The following DIP2A variants were observed in gnomAD, a reference collection of about 807,000 sequenced individuals.
The protein encoded by DIP2A is DIP2 acetate--CoA ligase A.
In DIP2A, 85 loss-of-function variants were observed where a neutral mutation model predicts 177.4. That is an observed-to-expected ratio of 0.48 (90% CI 0.40 to 0.57). The LOEUF (loss-of-function observed/expected upper bound fraction) is 0.57, where lower values mean the gene tolerates loss of function less well. DIP2A is among the 20% of genes least tolerant of loss of function. The probability of loss-of-function intolerance (pLI) is 0.00; values close to 1 mark genes in which losing one functional copy is unlikely to be tolerated. For synonymous variants in DIP2A, 886 were observed against 881.8 expected, an observed-to-expected ratio of 1.00 and a Z score of -0.08; for missense variants, 1,791 against 2,100.2, an observed-to-expected ratio of 0.85 and a Z score of 2.88.
intron 6 of DIP2A, among the ~76,000 whole-genome samples, chr21:46,507,754 G>A (rs907667197): frequency 3.8e-5 from 5 of 132,236 alleles, no homozygotes; most frequent in African/African-American, 1.5e-4. Context: ...AGGATGGAGT[G>A]CAGTGGCTTG....
chr21:46,575,405 C>T, the DIP2A span, among the ~76,000 whole-genome samples: 1 of 152,106 alleles, frequency 6.6e-6, no homozygotes, highest in East Asian at 1.9e-4. Context: ...TTCCACTCAA[C>T]ACAGAACTGG....
rs556503341 is a variant in DIP2A, at chr21:46,479,027, A to G, written c.92-5730A>G. 3.3e-5 allele frequency among the ~76,000 whole-genome samples: 5 copies of G among 152,322 alleles called. No homozygotes were observed. The East Asian group carries it at 9.6e-4, about 29-fold the overall frequency. ...ATCACTTTAATCTATATAGAGAGAA[A>G]GTGATTTGAAACTGGCTCCAGTCCT... On this transcript the variant is annotated intron_variant, in intron 1 of 37. Transcript: ENST00000417564.
chr21:46,462,429 A>C (rs2054398168), intron 1 of DIP2A: 1 of 152,194 alleles, frequency 6.6e-6, no homozygotes, highest in African/African-American at 2.4e-5. Context: ...GGGTTTAGTT[A>C]GCTGTAAAAG....
At chr21:46,495,237 C>CTG in intron 3 of DIP2A, among the ~76,000 whole-genome samples, 1 of 61,944 alleles carries the variant, frequency 1.6e-5, no homozygotes, top group Admixed American at 1.5e-4. Context: ...CTCTTCTCTT[C>CTG]TCTTCTTTCT....
At chr21:46,573,619 G>T (rs558489395), downstream of DIP2A, among the ~76,000 whole-genome samples, 1 of 109,882 alleles carries the variant, frequency 9.1e-6, no homozygotes, top group South Asian at 3.1e-4. Context: ...ACTCCAGCCT[G>T]GGAGACAGAG....
intron 16 of DIP2A, 71 bp from the exon 17 acceptor site, chr21:46,539,806 C>T (rs2059734002): frequency 1.6e-6 from 2 of 1,281,566 alleles, no homozygotes; most frequent in African/African-American, 1.5e-5. Context: ...CTAACTTGAG[C>T]ATGTCCAGCC....
At position 46,551,662 on chromosome 21, in the gene DIP2A, G is replaced by A; in HGVS notation, c.2868G>A (p.Gly956=). 6.2e-7 allele frequency: 1 copy of A among 1,614,020 alleles called. No individual in the cohort carries two copies. The highest frequency in any genetic ancestry group is 8.5e-7 in the Non-Finnish European group (1 of 1,179,902). The stretch of plus-strand genomic sequence containing the variant: ...TTGGACCAGCCTCAATGATCGTGGG[G>A]AACCTGGTTGCTGGGAAGAGAATCG... ...PEVGPASMIV[G]NLVAGKRIAQ... is the part of the protein sequence containing the mutation. The change falls in exon 24 of 38, where the codon GGG becomes GGA. Residue 956 remains glycine (G), a synonymous_variant. Coordinates refer to ENST00000417564, the MANE Select transcript of DIP2A (RefSeq NM_015151.4).
the DIP2A span, among the ~76,000 whole-genome samples, chr21:46,581,621 G>C: frequency 0.12 from 18,318 of 152,120 alleles, 1,465 homozygotes; most frequent in African/African-American, 0.22. Flanking sequence ...CTGACCTTTG[G>C]ATGGGGTTTT....
chr21:46,497,543 G>C (rs535614517), intron 4 of DIP2A, among the ~76,000 whole-genome samples: 2 of 152,132 alleles, frequency 1.3e-5, no homozygotes, highest in Non-Finnish European at 2.9e-5. Flanking sequence ...AAAGTTTTGC[G>C]GTTGATTTTG....
Position 46,566,700 on chromosome 21 carries a change from A to T in DIP2A, c.4463+17A>T, listed in dbSNP as rs934431539. 6.2e-7 allele frequency: 1 copy of T among 1,613,918 alleles called. No homozygotes were observed. The highest frequency in any genetic ancestry group is 8.5e-7 in the Non-Finnish European group (1 of 1,179,862). On this transcript the variant is annotated intron_variant, in intron 37 of 37. Coordinates refer to ENST00000417564, the MANE Select transcript of DIP2A (RefSeq NM_015151.4). ...CGCTGAGTGGTAAGAGCCCAGGTGG[A>T]GGGCGGCTTCACGTGGTCCCTCCAG...
downstream of DIP2A, among the ~76,000 whole-genome samples, chr21:46,573,051 A>G (rs1484469643): frequency 6.6e-6 from 1 of 152,144 alleles, no homozygotes; most frequent in Non-Finnish European, 1.5e-5. Flanking sequence ...TCACCTAAAA[A>G]CACATTTCTC....
chr21:46,496,902 G>A, intron 3 of DIP2A, 86 bp from the exon 4 acceptor site: 1 of 1,417,566 alleles, frequency 7.1e-7, no homozygotes, highest in Non-Finnish European at 9.3e-7. Context: ...TACCCCCACT[G>A]AAAACAAACA....
intron 8 of DIP2A, among the ~76,000 whole-genome samples, chr21:46,513,575 T>C (rs1032272909): frequency 6.6e-6 from 1 of 152,198 alleles, no homozygotes; most frequent in Non-Finnish European, 1.5e-5. Context: ...AAGTAAACTT[T>C]AGAATTAACT....
At chr21:46,521,211 C>T (rs369889498) in intron 8 of DIP2A, among the ~76,000 whole-genome samples, 1 of 151,842 alleles carries the variant, frequency 6.6e-6, no homozygotes, top group African/African-American at 2.4e-5. Flanking sequence ...TTTCCTGAGA[C>T]GGAGTCTCAC....
intron 7 of DIP2A, among the ~76,000 whole-genome samples, chr21:46,509,691 A>T (rs1336448934): frequency 2.6e-5 from 4 of 152,228 alleles, no homozygotes; most frequent in African/African-American, 9.6e-5. Flanking sequence ...TTGTGGTTTT[A>T]AAGTATTTAA....
In DIP2A at chr21:46,481,857, C is replaced by T. The variant is rs531214847; in HGVS notation, c.92-2900C>T. Among the ~76,000 whole-genome samples, 7 of 152,238 alleles carry T rather than the reference C, an allele frequency of 4.6e-5. No homozygotes were observed. In the East Asian group the frequency reaches 7.7e-4, roughly 17 times the overall value. On this transcript the variant is annotated intron_variant, in intron 1 of 37. Transcript: ENST00000417564. Reference sequence around the variant, plus strand: ...CTTGAGGTCAGGAGTTCTAGACCAGCCTGGCTAACATGGTGAAACCCCATC... The same window carrying T: ...CTTGAGGTCAGGAGTTCTAGACCAGTCTGGCTAACATGGTGAAACCCCATC...
At chr21:46,542,074 A>G (rs903205302) in intron 18 of DIP2A, among the ~76,000 whole-genome samples, 179 bp downstream of exon 18, 2 of 152,196 alleles carry the variant, frequency 1.3e-5, no homozygotes, top group African/African-American at 4.8e-5. Flanking sequence ...TCAGCCTCTT[A>G]TAAATACTCC....
chr21:46,564,048 A>T (rs2060757720), intron 35 of DIP2A, 116 bp downstream of exon 35: 2 of 1,249,848 alleles, frequency 1.6e-6, no homozygotes, highest in East Asian at 5.0e-5. Context: ...TCTACCAGAA[A>T]CCATTTGGCC....
At chr21:46,475,207 A>G (rs562633648) in intron 1 of DIP2A, among the ~76,000 whole-genome samples, 2 of 152,364 alleles carry the variant, frequency 1.3e-5, no homozygotes, top group South Asian at 2.1e-4. Context: ...TTTTCTAATC[A>G]TGAATGTTTA....
Sources: allele counts gnomAD v4.1 joint callset (sites outside exome capture counted in the v4.1 genomes callset), GRCh38; gene constraint gnomAD v4.1.1; transcripts MANE v1.5; gene names NCBI Gene and HGNC (gene_info 2026-07-23, HGNC 2026-07-21).